GRM7: variants seen among roughly 807,000 people sequenced by gnomAD.
The protein encoded by GRM7 is glutamate metabotropic receptor 7.
In GRM7, 35 loss-of-function variants were observed where a neutral mutation model predicts 84.5. The ratio of observed to expected loss-of-function variants is 0.41; its 90% confidence interval spans 0.32 to 0.55. The LOEUF is 0.55. GRM7 is among the 20% of genes least tolerant of loss of function. The pLI is 0.19. For missense variants in GRM7, 1,003 were observed against 1,194.6 expected (o/e 0.84, Z 2.36); for synonymous variants, 487 against 455.1 (o/e 1.07, Z -0.89).
At chr3:7,616,068 G>T (rs1241475052) in intron 8 of GRM7, among the ~76,000 whole-genome samples, 1 of 151,966 alleles carries the variant, frequency 6.6e-6, no homozygotes, top group African/African-American at 2.4e-5. Context: ...TAGGTAGCAG[G>T]CTACTAGGAG....
chr3:7,284,272 G>A lies in GRM7; in HGVS notation c.737-14412G>A, dbSNP rs78547760. 9.8e-3 allele frequency among the ~76,000 whole-genome samples: 1,335 copies of A among 136,002 alleles called. 20 individuals carry two copies. The highest frequency in any genetic ancestry group is 0.036 in the African/African-American group (1,271 of 35,798). The allele number at this position is 136,002 out of a possible 152,430, so 89.2% of individuals were successfully genotyped here. Reference sequence around the variant, plus strand: ...TTCAGGAGTTAGGGGTGTGTGGGGTGTGCATGCTCACTCGTGTGTGTGTGT... The same window carrying A: ...TTCAGGAGTTAGGGGTGTGTGGGGTATGCATGCTCACTCGTGTGTGTGTGT... On this transcript the variant is annotated intron_variant, in intron 2 of 9. Coordinates refer to ENST00000357716, the MANE Select transcript of GRM7 (RefSeq NM_000844.4).
intron 1 of GRM7, among the ~76,000 whole-genome samples, chr3:6,949,387 ACT>A (rs1308848497): frequency 1.3e-5 from 2 of 151,850 alleles, no homozygotes; most frequent in Non-Finnish European, 2.9e-5. Context: ...ATTGGCCCCC[ACT>A]CTCTTCTGGC....
chr3:7,440,068 T>C (rs1697224352), intron 5 of GRM7, among the ~76,000 whole-genome samples: 2 of 152,144 alleles, frequency 1.3e-5, no homozygotes, highest in Non-Finnish European at 2.9e-5. Context: ...AGCTGGTTGT[T>C]AAACAATAGA....
chr3:7,302,931 A>ATTTTTTTTTTT lies in GRM7; in HGVS notation c.879-3553_879-3543dup, dbSNP rs761399796. Among the ~76,000 whole-genome samples the ATTTTTTTTTTT allele has an allele frequency of 6.6e-4, 80 of 121,884 alleles. 2 individuals carry two copies. Among genetic ancestry groups the ATTTTTTTTTTT allele is most frequent in the African/African-American group, 2.4e-3 (64 of 27,186 alleles). The allele number at this position is 121,884 out of a possible 152,430, so 80.0% of individuals were successfully genotyped here. A position where few individuals can be genotyped will look rare whatever the true frequency, so the allele number is the denominator to read the frequency against. On this transcript the variant is annotated intron_variant, in intron 3 of 9. Coordinates refer to ENST00000357716, the MANE Select transcript of GRM7 (RefSeq NM_000844.4). ...AGAAGTATTAACATTTGATTGTTCT[A>ATTTTTTTTTTT]TTTTTTTTTTTTTTTTTTTTTTTTG...
chr3:6,972,289 G>C (rs1354217022), intron 1 of GRM7, among the ~76,000 whole-genome samples: 6 of 152,290 alleles, frequency 3.9e-5, no homozygotes, highest in Non-Finnish European at 7.4e-5. Flanking sequence ...CTCTGAGTTA[G>C]ATTTTGAATA....
At chr3:7,432,447 A>C (rs1189409021) in intron 5 of GRM7, among the ~76,000 whole-genome samples, 3 of 152,238 alleles carry the variant, frequency 2.0e-5, no homozygotes, top group African/African-American at 7.2e-5. Flanking sequence ...CAGCCTCCCG[A>C]GTAGCTGGGA....
intron 4 of GRM7, among the ~76,000 whole-genome samples, chr3:7,393,028 G>A (rs1049653667): frequency 6.6e-6 from 1 of 152,116 alleles, no homozygotes. Context: ...ACCTTGGGCC[G>A]AGACCAGAGA....
chr3:7,045,603 A>G (rs570462391), intron 1 of GRM7, among the ~76,000 whole-genome samples: 1 of 152,050 alleles, frequency 6.6e-6, no homozygotes, highest in Non-Finnish European at 1.5e-5. Context: ...TTACTATTTT[A>G]TTTTAGACTT....
At chr3:6,936,157 T>C (rs780031811) in intron 1 of GRM7, among the ~76,000 whole-genome samples, 3 of 152,194 alleles carry the variant, frequency 2.0e-5, no homozygotes, top group Non-Finnish European at 4.4e-5. Flanking sequence ...CACCCAGCTG[T>C]CTCAGCTCTG....
At chr3:7,207,862 G>A (rs1696290083) in intron 2 of GRM7, among the ~76,000 whole-genome samples, 1 of 152,112 alleles carries the variant, frequency 6.6e-6, no homozygotes, top group South Asian at 2.1e-4. Context: ...AATGAAAATG[G>A]CACATTTTAT....
intron 2 of GRM7, among the ~76,000 whole-genome samples, chr3:7,175,751 T>C (rs1369194048): frequency 6.6e-6 from 1 of 152,158 alleles, no homozygotes; most frequent in Non-Finnish European, 1.5e-5. Context: ...TTGGCCAGGC[T>C]GATCTTGAAC....
chr3:7,076,962 A>C (rs569152125), intron 1 of GRM7, among the ~76,000 whole-genome samples: 14 of 152,282 alleles, frequency 9.2e-5, no homozygotes, highest in Non-Finnish European at 1.8e-4. Flanking sequence ...GCCAACAAAC[A>C]TATGAAAAAA....
intron 1 of GRM7, among the ~76,000 whole-genome samples, chr3:7,141,756 G>T (rs1693951822): frequency 6.6e-6 from 1 of 151,448 alleles, no homozygotes; most frequent in African/African-American, 2.4e-5. Context: ...AATAGTAGAA[G>T]ATACACCCTG....
intron 7 of GRM7, among the ~76,000 whole-genome samples, chr3:7,568,406 T>C (rs1405065980): frequency 6.6e-6 from 1 of 152,246 alleles, no homozygotes; most frequent in Admixed American, 6.5e-5. Context: ...GAAGAGCAAG[T>C]GACGTCTTAC....
At chr3:7,153,828 A>C (rs549899095) in intron 2 of GRM7, among the ~76,000 whole-genome samples, 21 of 149,580 alleles carry the variant, frequency 1.4e-4, no homozygotes, top group South Asian at 6.4e-4. Context: ...ACAAAAAAAA[A>C]CCCCTCTGTT....
intron 2 of GRM7, among the ~76,000 whole-genome samples, chr3:7,294,005 T>C (rs954957345): frequency 5.3e-5 from 8 of 152,232 alleles, no homozygotes; most frequent in Admixed American, 2.0e-4. Flanking sequence ...TTTTTACATT[T>C]TAGCTTTATG....
chr3:7,216,007 A>C (rs150764541), intron 2 of GRM7, among the ~76,000 whole-genome samples: 1 of 152,346 alleles, frequency 6.6e-6, no homozygotes, highest in Admixed American at 6.5e-5. Context: ...AATATTCACT[A>C]TTTAAAAAAC....
intron 2 of GRM7, among the ~76,000 whole-genome samples, chr3:7,154,800 T>G (rs1345241206): frequency 6.6e-6 from 1 of 152,104 alleles, no homozygotes; most frequent in East Asian, 1.9e-4. Context: ...TCAATAAACT[T>G]TAGGGGCAAA....
chr3:7,283,518 C>T (rs1352391858), intron 2 of GRM7, among the ~76,000 whole-genome samples: 3 of 152,044 alleles, frequency 2.0e-5, no homozygotes, highest in Non-Finnish European at 4.4e-5. Context: ...ATATGAAAGA[C>T]TGCTTTTGAA....
Sources: gnomAD v4.1 joint callset for allele counts (sites outside exome capture counted in the v4.1 genomes callset) on GRCh38, gnomAD v4.1.1 for gene constraint, MANE v1.5 for transcripts, NCBI Gene and HGNC (gene_info 2026-07-23, HGNC 2026-07-21) for gene names.